Variants in ZNF214 observed in about 807,000 individuals in gnomAD.
ZNF214 encodes zinc finger protein 214.
Under a neutral mutation model 53.9 loss-of-function variants are expected in ZNF214, and 43 were observed. That is an observed-to-expected ratio of 0.80 (90% CI 0.63 to 1.03). ZNF214 has a LOEUF of 1.03. Ranked by LOEUF, ZNF214 falls within the 50% of genes least tolerant of loss-of-function variation. The pLI is 0.00. For missense variants in ZNF214, 724 were observed against 719.1 expected, an observed-to-expected ratio of 1.01 and a Z score of -0.08; for synonymous variants, 217 against 229.5, an observed-to-expected ratio of 0.95 and a Z score of 0.49.
intron 1 of ZNF214, among the ~76,000 whole-genome samples, chr11:7,017,438 A>G (rs1015145029): frequency 1.3e-5 from 2 of 152,254 alleles, no homozygotes; most frequent in South Asian, 4.1e-4. Context: ...TAAGATATTT[A>G]TAACAACAAC....
At chr11:7,005,181 T>C (rs1030151988) in intron 1 of ZNF214, among the ~76,000 whole-genome samples, 1 of 151,886 alleles carries the variant, frequency 6.6e-6, no homozygotes, top group African/African-American at 2.4e-5. Flanking sequence ...TATTTCTGTA[T>C]GATAAACTTC....
chr11:7,013,702 C>T (rs1442245456), intron 1 of ZNF214, among the ~76,000 whole-genome samples: 1 of 152,130 alleles, frequency 6.6e-6, no homozygotes, highest in Non-Finnish European at 1.5e-5. Context: ...TTGACTCCGC[C>T]GGACTTTGTC....
In ZNF214 at chr11:6,999,785, T is replaced by C; in HGVS notation, c.*77A>G. The C allele has an allele frequency of 3.5e-6, 5 of 1,426,876 alleles. No homozygotes were observed. The highest frequency in any genetic ancestry group is 4.7e-6 in the Non-Finnish European group (5 of 1,071,004). The allele number at this position is 1,426,876 out of a possible 1,614,324, so 88.4% of individuals were successfully genotyped here. A position where few individuals can be genotyped will look rare whatever the true frequency, so the allele number is the denominator to read the frequency against. ...GGGATTACTTGTGTTATTTATAAGA[T>C]TTCCTTAACAGCAGGATTTATAGGG... is the stretch of plus-strand genomic sequence containing the variant. On this transcript the variant is annotated 3_prime_UTR_variant, in exon 3 of 3. Transcript: ENST00000278314.
At chr11:7,006,713 A>G (rs1851479466) in intron 1 of ZNF214, among the ~76,000 whole-genome samples, 2 of 151,944 alleles carry the variant, frequency 1.3e-5, no homozygotes, top group Non-Finnish European at 2.9e-5. Context: ...TTTCTAACAT[A>G]TTATTTTTTA....
chr11:6,997,773 A>G lies in ZNF214; in HGVS notation c.*2089T>C, dbSNP rs1380868927. On this transcript the variant is annotated 3_prime_UTR_variant, in exon 3 of 3. Coordinates refer to ENST00000278314, the MANE Select transcript of ZNF214 (RefSeq NM_013249.4). The stretch of plus-strand genomic sequence containing the variant: ...TGTATGAAATTTTAGTGTAAGTCCC[A>G]TGCAATATTTGGGACACCCTTATAC... 2.0e-5 allele frequency among the ~76,000 whole-genome samples: 3 copies of G among 151,870 alleles called. No homozygotes were observed. The East Asian group carries it at 5.8e-4, about 29-fold the overall frequency.
rs780379235 is a variant in ZNF214 at position 7,000,015 on chromosome 11, A to T, written c.1668T>A (p.Cys556Ter). The change falls in exon 3 of 3, where the codon TGT becomes TGA. Residue 556 changes from cysteine to a stop codon, truncating the protein, a stop_gained. Coordinates refer to ENST00000278314, the MANE Select transcript of ZNF214 (RefSeq NM_013249.4). LOFTEE classifies it high-confidence loss of function. The stretch of plus-strand genomic sequence containing the variant: ...GACTGAAACCTTTACCACACTTAGC[A>T]CATTGATAAGGCTTCTCTCCTGTAT... ...RVHTGEKPYQ[C>*]AKCGKGFSHS... 1.2e-6 allele frequency: 2 copies of T among 1,613,336 alleles called. No individual in the cohort carries two copies. Among genetic ancestry groups the T allele is most frequent in the Non-Finnish European group, 1.7e-6 (2 of 1,179,534 alleles).
chr11:7,001,307 T>C lies in ZNF214; in HGVS notation c.376A>G (p.Lys126Glu), dbSNP rs768325745. Residue 126 changes from lysine to glutamate, a missense_variant, in exon 3 of 3, where the codon AAA becomes GAA. By Grantham distance (56) the Lys-to-Glu change is moderately conservative (BLOSUM62 1). Coordinates refer to ENST00000278314, the MANE Select transcript of ZNF214 (RefSeq NM_013249.4). The part of the protein sequence containing the change: ...YGNYELTFES[K>E]SLRNLKYKNF... ...TTATATTTTAAGTTCCTGAGACTTT[T>C]GCTTTCAAAAGTCAGTTCATAGTTC... is the stretch of plus-strand genomic sequence containing the variant. 5.6e-6 allele frequency: 9 copies of C among 1,613,240 alleles called. No individual in the cohort carries two copies. In the East Asian group the frequency reaches 1.1e-4, roughly 20 times the overall value.
At chr11:7,017,632 G>C (rs61879019) in intron 1 of ZNF214, among the ~76,000 whole-genome samples, 17 of 151,786 alleles carry the variant, frequency 1.1e-4, no homozygotes, top group African/African-American at 4.1e-4. Flanking sequence ...CCAGCTATTC[G>C]GGAGGCTGAG....
intron 1 of ZNF214, among the ~76,000 whole-genome samples, chr11:7,013,457 A>G (rs1489055634): frequency 6.6e-6 from 1 of 152,222 alleles, no homozygotes; most frequent in African/African-American, 2.4e-5. Context: ...TATTCCCACT[A>G]TCTAAAGTAG....
chr11:7,017,989 A>C (rs531991763), intron 1 of ZNF214, among the ~76,000 whole-genome samples: 2 of 152,228 alleles, frequency 1.3e-5, no homozygotes, highest in South Asian at 4.1e-4. Context: ...CATGAGTCAA[A>C]TTTTTTAATT....
chr11:7,004,328 A>AT (rs1851425894), intron 1 of ZNF214, among the ~76,000 whole-genome samples: 2 of 151,970 alleles, frequency 1.3e-5, no homozygotes, highest in South Asian at 2.1e-4. Flanking sequence ...TACTTCACTG[A>AT]TTTTTTTCCT....
intron 1 of ZNF214, among the ~76,000 whole-genome samples, chr11:7,018,219 A>G (rs1051075728): frequency 2.6e-5 from 4 of 152,196 alleles, no homozygotes; most frequent in Non-Finnish European, 4.4e-5. Context: ...ACAAGAATAA[A>G]TAACAAATTT....
At chr11:7,016,566 G>T (rs1851774878) in intron 1 of ZNF214, among the ~76,000 whole-genome samples, 1 of 151,914 alleles carries the variant, frequency 6.6e-6, no homozygotes, top group Admixed American at 6.6e-5. Context: ...ACATATAAAG[G>T]GACAACAATA....
intron 1 of ZNF214, among the ~76,000 whole-genome samples, chr11:7,012,762 G>A (rs1033377389): frequency 2.6e-5 from 4 of 152,162 alleles, no homozygotes; most frequent in Admixed American, 6.5e-5. Flanking sequence ...TCTTCAAGAC[G>A]TCAGAAATAA....
At position 7,001,055 on chromosome 11, in the gene ZNF214, G is replaced by A. The variant is rs995653162; in HGVS notation, c.628C>T (p.Leu210=). The change falls in exon 3 of 3, where the codon CTG becomes TTG. Residue 210 remains leucine, a synonymous_variant. Coordinates refer to ENST00000278314, the MANE Select transcript of ZNF214 (RefSeq NM_013249.4). ...YVGVICQEDL[L]RDSMEEKYCG... ...TACTTTTCTTCCATTGAATCTCTCAGTAGGTCTTCTTGACATATCACCCCA... is the reference window on the plus strand; with the variant it reads ...TACTTTTCTTCCATTGAATCTCTCAATAGGTCTTCTTGACATATCACCCCA... 3 of 1,613,268 alleles carry A rather than the reference G, an allele frequency of 1.9e-6. No homozygotes were observed. The highest frequency in any genetic ancestry group is 1.1e-5 in the South Asian group (1 of 91,040).
Position 7,000,354 on chromosome 11 carries a change from T to A in ZNF214, c.1329A>T (p.Lys443Asn). The stretch of plus-strand genomic sequence containing the variant: ...TAAAGTCCTTTCCACAGTCATCACA[T>A]TTATAAGGTTTCTCTCCTGTATGCA... ...QRVHTGEKPY[K>N]CDDCGKDFSH... The change falls in exon 3 of 3, where the codon AAA (lysine) becomes AAT (asparagine). Residue 443 changes from lysine (K) to asparagine (N), a missense_variant. Physicochemically the swap from Lys to Asn is moderately conservative, Grantham distance 94. Transcript: ENST00000278314. The A allele has an allele frequency of 6.2e-7, 1 of 1,613,420 alleles. No homozygotes were observed. Among genetic ancestry groups the A allele is most frequent in the Non-Finnish European group, 8.5e-7 (1 of 1,179,582 alleles).
chr11:7,006,245 G>C (rs1851468074), intron 1 of ZNF214, among the ~76,000 whole-genome samples: 1 of 151,884 alleles, frequency 6.6e-6, no homozygotes, highest in African/African-American at 2.4e-5. Context: ...CCATTTCCTT[G>C]ACCAACTAGG....
chr11:7,013,785 T>C (rs34761518), intron 1 of ZNF214, among the ~76,000 whole-genome samples: 23,075 of 152,242 alleles, frequency 0.15, 2,156 homozygotes, highest in Non-Finnish European at 0.21. Flanking sequence ...TTCAATCTGT[T>C]ATAATACCAA....
intron 1 of ZNF214, among the ~76,000 whole-genome samples, chr11:7,009,447 C>T (rs934774592): frequency 6.6e-6 from 1 of 151,954 alleles, no homozygotes; most frequent in Non-Finnish European, 1.5e-5. Context: ...TAAAGACTTA[C>T]ATGAAAACCT....
Sources: gnomAD v4.1 joint callset for allele counts (sites outside exome capture counted in the v4.1 genomes callset) on GRCh38, gnomAD v4.1.1 for gene constraint, MANE v1.5 for transcripts, NCBI Gene and HGNC (gene_info 2026-07-23, HGNC 2026-07-21) for gene names.